TMEM222: variants seen among roughly 807,000 people sequenced by gnomAD.
TMEM222 encodes transmembrane protein 222, also known as chromosome 1 open reading frame 160.
TMEM222 carries 18 observed loss-of-function variants against 25.1 expected under a neutral mutation model. The ratio of observed to expected loss-of-function variants is 0.72; its 90% CI spans 0.50 to 1.06. TMEM222 has a LOEUF of 1.06. Ranked by LOEUF, TMEM222 falls within the 50% of genes least tolerant of loss-of-function variation. The pLI is 0.00. For missense variants in TMEM222, 296 were observed against 293.7 expected (o/e 1.01, Z -0.06); for synonymous variants, 131 against 117.9 (o/e 1.11, Z -0.72).
chr1:27,322,486 C>G (rs1002947996), intron 1 of TMEM222, 95 bp downstream of exon 1: 17 of 1,231,670 alleles, frequency 1.4e-5, no homozygotes, highest in Non-Finnish European at 1.8e-5. Context: ...CGCAGCAAGC[C>G]TTTTCCTCGG....
chr1:27,330,438 C>CAGTGAATG (rs1458613521), intron 1 of TMEM222, among the ~76,000 whole-genome samples: 1 of 151,978 alleles, frequency 6.6e-6, no homozygotes, highest in African/African-American at 2.4e-5. Context: ...CTCCCACCAG[C>CAGTGAATG]AGTGAATGAG....
At chr1:27,330,484 G>A (rs2014452892) in intron 1 of TMEM222, among the ~76,000 whole-genome samples, 1 of 152,112 alleles carries the variant, frequency 6.6e-6, no homozygotes, top group Non-Finnish European at 1.5e-5. Flanking sequence ...CTGCATTGGT[G>A]TTGCTGTCGT....
At position 27,322,300 on chromosome 1, in the gene TMEM222, A is replaced by G; in HGVS notation, c.103A>G (p.Lys35Glu). 6.4e-7 allele frequency: 1 copy of G among 1,563,204 alleles called. No homozygotes were observed. Among genetic ancestry groups the G allele is most frequent in the Non-Finnish European group, 8.7e-7 (1 of 1,152,336 alleles). ...GCCGACGGCGGCCGAGACGGACATG[A>G]AGCAATATCAAGGCTCCGGCGGCGT... ...EAPTAAETDMKQYQGSGGVAM... is the reference protein window; with the variant it reads ...EAPTAAETDMEQYQGSGGVAM... Residue 35 changes from lysine (K) to glutamate (E), a missense_variant, in exon 1 of 6, where the codon AAG (lysine) becomes GAG (glutamate). Lys to Glu is a moderately conservative substitution (Grantham distance 56). Transcript: ENST00000374076.
chr1:27,331,212 G>A (rs2014471607), intron 2 of TMEM222: 10 of 1,038,798 alleles, frequency 9.6e-6, no homozygotes, highest in Non-Finnish European at 1.2e-5. Context: ...AGGGGGTGGG[G>A]CTTTAGAATG....
intron 5 of TMEM222, 24 bp from the exon 6 acceptor site, chr1:27,335,355 T>G: frequency 6.2e-7 from 1 of 1,613,204 alleles, no homozygotes; most frequent in Non-Finnish European, 8.5e-7. Flanking sequence ...TGCCCACCTA[T>G]GCTCGCTCCT....
chr1:27,331,885 C>T (rs1014217340), intron 2 of TMEM222, among the ~76,000 whole-genome samples, 185 bp from the exon 3 acceptor site: 8 of 152,394 alleles, frequency 5.2e-5, no homozygotes, highest in Admixed American at 5.2e-4. Context: ...TGCCTTCTTC[C>T]TGCAGAACAG....
Position 27,322,312 on chromosome 1 carries a change from G to C in TMEM222, c.115G>C (p.Gly39Arg). 1 of 1,556,204 alleles carries C rather than the reference G, an allele frequency of 6.4e-7. No individual in the cohort carries two copies. Among genetic ancestry groups the C allele is most frequent in the East Asian group, 2.5e-5 (1 of 40,314 alleles). The part of the protein sequence containing the change: ...AAETDMKQYQ[G>R]SGGVAMDVER... ...CGAGACGGACATGAAGCAATATCAA[G>C]GCTCCGGCGGCGTCGCCATGGATGT... is the stretch of plus-strand genomic sequence containing the variant. The change falls in exon 1 of 6, where the codon GGC becomes CGC. Residue 39 changes from glycine to arginine, a missense_variant. Coordinates refer to ENST00000374076, the MANE Select transcript of TMEM222 (RefSeq NM_032125.3).
chr1:27,332,868 G>A (rs932732898), intron 3 of TMEM222: 7 of 318,184 alleles, frequency 2.2e-5, no homozygotes, highest in Admixed American at 4.3e-5. Context: ...AGTTTTAAGG[G>A]CATCATTTTC....
rs1176007921 is a variant in TMEM222, at chr1:27,335,684, G to C, written c.*218G>C. On this transcript the variant is annotated 3_prime_UTR_variant, in exon 6 of 6. Coordinates refer to ENST00000374076, the MANE Select transcript of TMEM222 (RefSeq NM_032125.3). ...GAAGCACCCTGTCCCCTCCTCCCCA[G>C]GCCTGTGACTCCGGCCCTGGAAGCC... is the stretch of plus-strand genomic sequence containing the variant. 1.7e-6 allele frequency: 1 copy of C among 587,398 alleles called. No homozygotes were observed. Among genetic ancestry groups the C allele is most frequent in the African/African-American group, 1.9e-5 (1 of 53,668 alleles). 36.4% of individuals were successfully genotyped at this position (587,398 alleles called of 1,614,324 possible).
At chr1:27,333,539 CT>C (rs1159564072) in intron 3 of TMEM222, 2 of 450,460 alleles carry the variant, frequency 4.4e-6, no homozygotes, top group Non-Finnish European at 8.9e-6. Context: ...CCTGAGGTGC[CT>C]TTCCACTGTG....
chr1:27,323,959 A>G (rs2014275911), intron 1 of TMEM222, among the ~76,000 whole-genome samples: 1 of 152,248 alleles, frequency 6.6e-6, no homozygotes, highest in South Asian at 2.1e-4. Flanking sequence ...AAGGAGATAG[A>G]CAGTAAACAA....
chr1:27,334,598 A>G (rs1352698305), intron 5 of TMEM222: 30 of 1,442,304 alleles, frequency 2.1e-5, no homozygotes, highest in Non-Finnish European at 2.7e-5. Flanking sequence ...CTCCTCAGGG[A>G]GGCTTCTACG....
chr1:27,322,725 T>A (rs914727286), intron 1 of TMEM222, among the ~76,000 whole-genome samples: 3 of 152,200 alleles, frequency 2.0e-5, no homozygotes, highest in Non-Finnish European at 4.4e-5. Context: ...TTCACTGGTT[T>A]ATTCTCTCAT....
rs528666444 is a variant in TMEM222, at chr1:27,329,476, G to A, written c.195-1244G>A. 1.1e-4 allele frequency among the ~76,000 whole-genome samples: 17 copies of A among 152,182 alleles called. No individual in the cohort carries two copies. The East Asian group carries it at 1.2e-3, about 10-fold the overall frequency. On this transcript the variant is annotated intron_variant, in intron 1 of 5. Transcript: ENST00000374076. ...TCACGTAAACAGAGTGCTATGTTAC[G>A]TACTCTGTGTAAGATTTCCTTCATT...
intron 3 of TMEM222, chr1:27,332,389 CA>C: frequency 1.4e-6 from 1 of 717,778 alleles, no homozygotes; most frequent in South Asian, 1.5e-5. Context: ...GGGACTTGGT[CA>C]AGGTCACACA....
chr1:27,322,534 G>A, intron 1 of TMEM222, 143 bp downstream of exon 1: 4 of 744,902 alleles, frequency 5.4e-6, no homozygotes, highest in African/African-American at 1.8e-5. Flanking sequence ...CCAGAACCCC[G>A]CCATCCATGT....
At chr1:27,333,641 T>C in intron 3 of TMEM222, 2 of 410,460 alleles carry the variant, frequency 4.9e-6, no homozygotes, top group Non-Finnish European at 9.3e-6. Context: ...CCCCATGGCC[T>C]AATCACCTCC....
rs1399290022 is a variant in TMEM222, at chr1:27,333,997, G to T, written c.351G>T (p.Gly117=). 6 of 1,614,022 alleles carry T rather than the reference G, an allele frequency of 3.7e-6. No homozygotes were observed. Among genetic ancestry groups the T allele is most frequent in the Non-Finnish European group, 5.1e-6 (6 of 1,180,032 alleles). Residue 117 remains glycine (G), a synonymous_variant, in exon 4 of 6, where the codon GGG becomes GGT. Transcript: ENST00000374076. ...KLDPAQVYAS[G]PNAWDTAVHD... ...ACCCTGCTCAGGTCTATGCTAGCGG[G>T]CCCAACGCATGGGACACGGCTGTGC...
intron 1 of TMEM222, among the ~76,000 whole-genome samples, chr1:27,327,390 A>T (rs889479769): frequency 4.0e-5 from 6 of 151,840 alleles, no homozygotes; most frequent in African/African-American, 1.5e-4. Context: ...TTTAATTTTT[A>T]TTTATTTATT....
Sources: gnomAD v4.1 joint callset for allele counts (sites outside exome capture counted in the v4.1 genomes callset) on GRCh38, gnomAD v4.1.1 for gene constraint, MANE v1.5 for transcripts, NCBI Gene and HGNC (gene_info 2026-07-23, HGNC 2026-07-21) for gene names.